The following RAP1GDS1 variants were observed in gnomAD, a reference collection of about 807,000 sequenced individuals.
RAP1GDS1 encodes RAP1, GTP-GDP dissociation stimulator 1.
In RAP1GDS1, 35 loss-of-function variants were observed where a neutral mutation model predicts 71.1. The observed-to-expected ratio is 0.49, with a 90% CI of 0.38 to 0.65. The LOEUF is 0.65. Ranked by LOEUF, RAP1GDS1 falls within the 30% of genes least tolerant of loss-of-function variation. The pLI, the probability that RAP1GDS1 is intolerant of heterozygous loss-of-function variation, is 0.00. For synonymous variants in RAP1GDS1, 229 were observed against 243.1 expected, an observed-to-expected ratio of 0.94 and a Z score of 0.54; for missense variants, 663 against 706.1, an observed-to-expected ratio of 0.94 and a Z score of 0.69.
At chr4:98,396,941 G>A (rs936807881) in intron 6 of RAP1GDS1, 31 of 152,136 alleles carry the variant, frequency 2.0e-4, no homozygotes, top group African/African-American at 7.5e-4. Flanking sequence ...GTGATGAGAT[G>A]TAATAGCTTA....
At chr4:98,325,681 C>G (rs1732922119) in intron 2 of RAP1GDS1, among the ~76,000 whole-genome samples, 2 of 147,112 alleles carry the variant, frequency 1.4e-5, no homozygotes. Context: ...AACAAAAAAC[C>G]AAACACCGAA....
intron 2 of RAP1GDS1, among the ~76,000 whole-genome samples, chr4:98,334,455 A>G (rs959399116): frequency 6.6e-6 from 1 of 152,210 alleles, no homozygotes; most frequent in African/African-American, 2.4e-5. Context: ...ATTTTCGGTA[A>G]CAAGTCTATC....
chr4:98,293,337 T>C, intron 1 of RAP1GDS1, 71 bp from the exon 2 acceptor site: 1 of 1,025,454 alleles, frequency 9.8e-7, no homozygotes, highest in Non-Finnish European at 1.5e-6. Flanking sequence ...GTGGTAACTG[T>C]TTATCCTTTT....
chr4:98,279,916 T>A (rs1724805337), intron 1 of RAP1GDS1, among the ~76,000 whole-genome samples: 1 of 152,216 alleles, frequency 6.6e-6, no homozygotes, highest in Non-Finnish European at 1.5e-5. Context: ...GCTTCATCCA[T>A]ATCCCTGCAA....
At chr4:98,425,164 G>T (rs545844136) in intron 12 of RAP1GDS1, among the ~76,000 whole-genome samples, 1 of 152,286 alleles carries the variant, frequency 6.6e-6, no homozygotes, top group South Asian at 2.1e-4. Flanking sequence ...GAAAGATACA[G>T]TGTGTTTCAG....
intron 2 of RAP1GDS1, among the ~76,000 whole-genome samples, chr4:98,324,082 C>G: frequency 6.6e-6 from 1 of 151,128 alleles, no homozygotes; most frequent in Non-Finnish European, 1.5e-5. Flanking sequence ...TCTCAGGATA[C>G]AAAATCAATG....
chr4:98,416,188 A>G (rs1747957526), intron 7 of RAP1GDS1, among the ~76,000 whole-genome samples: 1 of 152,172 alleles, frequency 6.6e-6, no homozygotes, highest in Admixed American at 6.5e-5. Flanking sequence ...ATTTGTTTAG[A>G]TGCTGCAAGA....
At chr4:98,285,891 T>C (rs1218854286) in intron 1 of RAP1GDS1, among the ~76,000 whole-genome samples, 11 of 136,298 alleles carry the variant, frequency 8.1e-5, no homozygotes, top group Non-Finnish European at 1.7e-4. Flanking sequence ...TAAATAATTG[T>C]AAATAAACAT....
intron 2 of RAP1GDS1, among the ~76,000 whole-genome samples, chr4:98,318,322 C>T (rs1419385357): frequency 2.0e-5 from 3 of 152,122 alleles, no homozygotes; most frequent in Non-Finnish European, 4.4e-5. Context: ...GTGGGTGGTT[C>T]TGAACCCTCT....
chr4:98,303,375 A>G (rs1728846278), intron 2 of RAP1GDS1, among the ~76,000 whole-genome samples: 1 of 152,056 alleles, frequency 6.6e-6, no homozygotes, highest in Admixed American at 6.6e-5. Context: ...AAACATACAA[A>G]ATTTCAAAGA....
intron 1 of RAP1GDS1, among the ~76,000 whole-genome samples, chr4:98,282,193 C>G (rs1725215933): frequency 6.6e-6 from 1 of 152,150 alleles, no homozygotes; most frequent in Non-Finnish European, 1.5e-5. Context: ...GGTACCAGCT[C>G]CTCTTTGTAC....
chr4:98,287,828 A>G (rs1367753789), intron 1 of RAP1GDS1, among the ~76,000 whole-genome samples: 2 of 152,158 alleles, frequency 1.3e-5, no homozygotes, highest in Non-Finnish European at 2.9e-5. Context: ...ATGTTCACAA[A>G]ACATATTTAG....
chr4:98,280,595 C>T (rs534684375), intron 1 of RAP1GDS1, among the ~76,000 whole-genome samples: 8 of 152,246 alleles, frequency 5.3e-5, no homozygotes, highest in Admixed American at 5.2e-4. Flanking sequence ...TTTTGCTTTG[C>T]TGAAGCTCTT....
intron 12 of RAP1GDS1, 105 bp from the exon 13 acceptor site, chr4:98,433,831 C>CAGGA: frequency 9.4e-7 from 1 of 1,063,718 alleles, no homozygotes; most frequent in Non-Finnish European, 1.3e-6. Context: ...ATGATTCATA[C>CAGGA]AGGACACTGT....
intron 2 of RAP1GDS1, among the ~76,000 whole-genome samples, chr4:98,332,342 C>T (rs1201815982): frequency 6.6e-6 from 1 of 152,134 alleles, no homozygotes; most frequent in Non-Finnish European, 1.5e-5. Context: ...CAGGACAAGA[C>T]AAGAGTGCAG....
intron 1 of RAP1GDS1, among the ~76,000 whole-genome samples, chr4:98,272,827 C>T (rs543422190): frequency 4.6e-5 from 7 of 152,212 alleles, no homozygotes; most frequent in African/African-American, 7.2e-5. Flanking sequence ...TCTTGTTGCA[C>T]GTCACAATCT....
chr4:98,399,334 A>T (rs1745014722), intron 6 of RAP1GDS1, among the ~76,000 whole-genome samples: 1 of 152,226 alleles, frequency 6.6e-6, no homozygotes, highest in Admixed American at 6.5e-5. Context: ...GATTTATTCC[A>T]GAATATCCAA....
intron 2 of RAP1GDS1, among the ~76,000 whole-genome samples, chr4:98,298,355 C>T (rs934133216): frequency 6.6e-6 from 1 of 152,160 alleles, no homozygotes; most frequent in Non-Finnish European, 1.5e-5. Context: ...AGAGATGCCA[C>T]CTAGGACTTT....
In RAP1GDS1 at chr4:98,375,854, G is replaced by T. The variant is rs151305003; in HGVS notation, c.362-3163G>T. ...AATCCAAAGTTAGGATGCACTGTAC[G>T]ACATGCCACAATAGTTAGATTCAGT... On this transcript the variant is annotated intron_variant, in intron 4 of 14. Transcript: ENST00000408927. 2.8e-3 allele frequency among the ~76,000 whole-genome samples: 424 copies of T among 152,240 alleles called. 5 individuals carry two copies. The highest frequency in any genetic ancestry group is 9.9e-3 in the African/African-American group (412 of 41,548).
Sources: gnomAD v4.1 joint callset for allele counts (sites outside exome capture counted in the v4.1 genomes callset) on GRCh38, gnomAD v4.1.1 for gene constraint, MANE v1.5 for transcripts, NCBI Gene and HGNC (gene_info 2026-07-23, HGNC 2026-07-21) for gene names.